Variants in HPSE2 observed in about 807,000 individuals in gnomAD.
The protein encoded by HPSE2 is heparanase 2 (inactive).
HPSE2 carries 38 observed loss-of-function variants against 60.5 expected under a neutral mutation model. The ratio of observed to expected loss-of-function variants is 0.63; its 90% CI spans 0.48 to 0.82. The LOEUF is 0.82. HPSE2 is among the 40% of genes least tolerant of loss of function. The pLI is 0.00. For synonymous variants in HPSE2, 295 were observed against 293.2 expected, an observed-to-expected ratio of 1.01 and a Z score of -0.06; for missense variants, 713 against 740.4, an observed-to-expected ratio of 0.96 and a Z score of 0.43.
At chr10:98,733,977 A>T (rs1949287909) in intron 4 of HPSE2, among the ~76,000 whole-genome samples, 1 of 152,204 alleles carries the variant, frequency 6.6e-6, no homozygotes, top group African/African-American at 2.4e-5. Context: ...TAATCCCAGA[A>T]AAAACTCTGT....
intron 3 of HPSE2, among the ~76,000 whole-genome samples, chr10:98,820,769 C>G (rs1441104928): frequency 6.6e-6 from 1 of 152,202 alleles, no homozygotes; most frequent in East Asian, 1.9e-4. Context: ...TCCCTCTCTG[C>G]ATGACAGCTA....
chr10:98,668,589 T>C (rs762435166), intron 6 of HPSE2, among the ~76,000 whole-genome samples: 3 of 152,070 alleles, frequency 2.0e-5, no homozygotes, highest in Non-Finnish European at 4.4e-5. Context: ...ATAGAGAACC[T>C]GGAAATAAAG....
At chr10:98,916,769 T>C (rs369997491) in intron 3 of HPSE2, among the ~76,000 whole-genome samples, 1 of 152,242 alleles carries the variant, frequency 6.6e-6, no homozygotes, top group African/African-American at 2.4e-5. Context: ...AGTCAGATAA[T>C]CTATTCTGAT....
At chr10:99,110,995 T>C (rs539385745) in intron 3 of HPSE2, among the ~76,000 whole-genome samples, 92 of 152,326 alleles carry the variant, frequency 6.0e-4, no homozygotes, top group African/African-American at 1.9e-3. Context: ...ATGAAAGATA[T>C]AAAGTCTGTT....
intron 2 of HPSE2, among the ~76,000 whole-genome samples, chr10:99,188,113 C>T (rs1005358450): frequency 6.6e-5 from 10 of 152,166 alleles, no homozygotes; most frequent in Admixed American, 1.3e-4. Flanking sequence ...CTCCAATCCC[C>T]TATGGATATT....
intron 3 of HPSE2, among the ~76,000 whole-genome samples, chr10:99,129,725 A>T (rs954298865): frequency 2.6e-5 from 4 of 151,600 alleles, no homozygotes; most frequent in African/African-American, 7.3e-5. Flanking sequence ...ACTTCAAGGA[A>T]CTAGAGAAAC....
At chr10:98,843,594 G>T (rs1951969060) in intron 3 of HPSE2, among the ~76,000 whole-genome samples, 1 of 152,112 alleles carries the variant, frequency 6.6e-6, no homozygotes, top group Non-Finnish European at 1.5e-5. Context: ...TAAATGAAAA[G>T]TTCTTCAAAT....
rs563866694 is a variant in HPSE2 at position 99,144,523 on chromosome 10, T to C, written c.449-124A>G. On this transcript the variant is annotated intron_variant, in intron 2 of 11. Transcript: ENST00000370552. Reference sequence around the variant, plus strand: ...TAAGCTACCAGCATTTTCATCAACCTAAAGAGATGCAGAAGTAATCAGAAG... The same window carrying C: ...TAAGCTACCAGCATTTTCATCAACCCAAAGAGATGCAGAAGTAATCAGAAG... The C allele has an allele frequency of 9.9e-5, 110 of 1,106,670 alleles. No individual in the cohort carries two copies. In the African/African-American group the frequency reaches 1.6e-3, roughly 16 times the overall value. 68.6% of individuals were successfully genotyped at this position (1,106,670 alleles called of 1,614,324 possible).
At position 98,662,627 on chromosome 10, in the gene HPSE2, A is replaced by G. The variant is rs184777176; in HGVS notation, c.1005-20687T>C. Reference sequence around the variant, plus strand: ...ACTGGGCTTAGTACCTGGGTGATGAAATAATCTGTACAACAAACCCCTGTG... The same window carrying G: ...ACTGGGCTTAGTACCTGGGTGATGAGATAATCTGTACAACAAACCCCTGTG... On this transcript the variant is annotated intron_variant, in intron 6 of 11. Coordinates refer to ENST00000370552, the MANE Select transcript of HPSE2 (RefSeq NM_021828.5). Among the ~76,000 whole-genome samples the G allele has an allele frequency of 1.4e-3, 208 of 152,284 alleles. 2 individuals are homozygous for G. Among genetic ancestry groups the G allele is most frequent in the African/African-American group, 4.8e-3 (198 of 41,562 alleles).
chr10:99,101,474 C>T (rs973330689), intron 3 of HPSE2, among the ~76,000 whole-genome samples: 5 of 152,140 alleles, frequency 3.3e-5, no homozygotes, highest in Non-Finnish European at 5.9e-5. Context: ...TACAGGAGCA[C>T]CCAGATTCAC....
intron 9 of HPSE2, among the ~76,000 whole-genome samples, chr10:98,577,603 T>C (rs1944677674): frequency 6.6e-6 from 1 of 152,188 alleles, no homozygotes; most frequent in South Asian, 2.1e-4. Flanking sequence ...TTTGGAGAGG[T>C]ATTTTTCTCT....
At chr10:99,249,682 G>C in the HPSE2 span, among the ~76,000 whole-genome samples, 1 of 152,104 alleles carries the variant, frequency 6.6e-6, no homozygotes, top group Middle Eastern at 3.2e-3. Context: ...AGGGATTGTG[G>C]GCAGAATGAT....
intron 2 of HPSE2, among the ~76,000 whole-genome samples, chr10:99,145,757 TC>T (rs1274368784): frequency 2.6e-5 from 4 of 152,154 alleles, no homozygotes; most frequent in African/African-American, 9.6e-5. Flanking sequence ...AAAGCTATAT[TC>T]AGTGACACTT....
chr10:99,216,555 G>A (rs1849136915), intron 2 of HPSE2, among the ~76,000 whole-genome samples: 1 of 152,122 alleles, frequency 6.6e-6, no homozygotes, highest in African/African-American at 2.4e-5. Flanking sequence ...AAATTTGTCT[G>A]GTGACACCTG....
intron 8 of HPSE2, among the ~76,000 whole-genome samples, chr10:98,617,162 T>G (rs981062743): frequency 6.6e-6 from 1 of 152,200 alleles, no homozygotes; most frequent in African/African-American, 2.4e-5. Flanking sequence ...AGCAGCATCT[T>G]CATGTCAATA....
chr10:98,490,341 G>A, intron 9 of HPSE2, 145 bp from the exon 10 acceptor site: 1 of 1,018,708 alleles, frequency 9.8e-7, no homozygotes. Context: ...GACCAATGCA[G>A]CCCTAAGCCT....
chr10:98,781,092 T>C (rs1950454679), intron 3 of HPSE2, among the ~76,000 whole-genome samples: 1 of 152,100 alleles, frequency 6.6e-6, no homozygotes, highest in Admixed American at 6.6e-5. Flanking sequence ...AGTCACTAGA[T>C]GACACGATGA....
intron 3 of HPSE2, among the ~76,000 whole-genome samples, chr10:98,968,037 C>A (rs2135257249): frequency 6.6e-6 from 1 of 152,176 alleles, no homozygotes; most frequent in East Asian, 1.9e-4. Context: ...CATAGACTTC[C>A]CCCTCCCTAT....
chr10:98,720,175 C>T (rs894769762), intron 5 of HPSE2, among the ~76,000 whole-genome samples: 2 of 151,896 alleles, frequency 1.3e-5, no homozygotes, highest in African/African-American at 2.4e-5. Flanking sequence ...AATAAGAAAT[C>T]AGAAATTACA....
Sources: allele counts gnomAD v4.1 joint callset (sites outside exome capture counted in the v4.1 genomes callset), GRCh38; gene constraint gnomAD v4.1.1; transcripts MANE v1.5; gene names NCBI Gene and HGNC (gene_info 2026-07-23, HGNC 2026-07-21).